Variants in TCF7L2 observed in about 807,000 individuals in gnomAD.
TCF7L2 encodes the protein transcription factor 7-like 2.
Under a neutral mutation model 77.9 loss-of-function variants are expected in TCF7L2, and 23 were observed. The observed-to-expected ratio is 0.30, with a 90% CI of 0.21 to 0.42. The LOEUF (loss-of-function observed/expected upper bound fraction) is 0.42, where lower values mean the gene tolerates loss of function less well. Among genes scored for constraint, TCF7L2 ranks in the 10% least tolerant of loss-of-function variants. The pLI, the probability that TCF7L2 is intolerant of heterozygous loss-of-function variation, is 1.00. For missense variants in TCF7L2, 654 were observed against 793.1 expected, an observed-to-expected ratio of 0.82 and a Z score of 2.11; for synonymous variants, 413 against 340.2, an observed-to-expected ratio of 1.21 and a Z score of -2.36.
At chr10:113,058,497 C>T (rs984650139) in intron 5 of TCF7L2, among the ~76,000 whole-genome samples, 5 of 152,024 alleles carry the variant, frequency 3.3e-5, no homozygotes, top group Admixed American at 6.6e-5. Context: ...GTCAGGTCCC[C>T]GAGGGCAACA....
At chr10:113,030,202 A>G (rs552716761) in intron 4 of TCF7L2, among the ~76,000 whole-genome samples, 1 of 152,354 alleles carries the variant, frequency 6.6e-6, no homozygotes, top group African/African-American at 2.4e-5. Context: ...CCTTGAAGTT[A>G]GCATATTTTC....
intron 5 of TCF7L2, chr10:113,089,477 A>C: frequency 6.2e-7 from 1 of 1,613,874 alleles, no homozygotes; most frequent in Non-Finnish European, 8.5e-7. Context: ...TCAGCACTCA[A>C]GTCTTCAGGG....
At chr10:113,024,867 G>T (rs544309450) in intron 4 of TCF7L2, among the ~76,000 whole-genome samples, 1 of 152,116 alleles carries the variant, frequency 6.6e-6, no homozygotes, top group Non-Finnish European at 1.5e-5. Flanking sequence ...TGATCCACCC[G>T]CTTTGGCCTC....
intron 5 of TCF7L2, among the ~76,000 whole-genome samples, chr10:113,073,139 A>T (rs139087340): frequency 7.3e-4 from 63 of 86,842 alleles, no homozygotes; most frequent in Non-Finnish European, 1.1e-3. Flanking sequence ...TGAGAGAGAG[A>T]GAGAGAGAGA....
At chr10:113,033,721 G>A (rs191387826) in intron 4 of TCF7L2, among the ~76,000 whole-genome samples, 3 of 152,198 alleles carry the variant, frequency 2.0e-5, no homozygotes, top group Non-Finnish European at 2.9e-5. Flanking sequence ...TAAAGCCTCC[G>A]TCTTAGGCTT....
intron 4 of TCF7L2, among the ~76,000 whole-genome samples, chr10:113,031,138 A>G (rs893427640): frequency 6.6e-6 from 1 of 152,234 alleles, no homozygotes; most frequent in East Asian, 1.9e-4. Context: ...AACTGTGTAT[A>G]ACTAAGTCAC....
At chr10:113,081,885 T>A (rs2059348180) in intron 5 of TCF7L2, among the ~76,000 whole-genome samples, 1 of 152,226 alleles carries the variant, frequency 6.6e-6, no homozygotes, top group Non-Finnish European at 1.5e-5. Flanking sequence ...GCGCCCAGGC[T>A]GGAGTGCAGT....
chr10:112,987,757 C>G (rs549821503), intron 4 of TCF7L2: 1 of 156,780 alleles, frequency 6.4e-6, no homozygotes, highest in African/African-American at 2.4e-5. Context: ...TCATCTGCTC[C>G]TGTCCCAGCA....
chr10:113,087,159 A>T (rs2059923293), intron 5 of TCF7L2, among the ~76,000 whole-genome samples: 1 of 152,214 alleles, frequency 6.6e-6, no homozygotes, highest in Non-Finnish European at 1.5e-5. Context: ...GGCATGGAAG[A>T]ATATCTAGAT....
intron 5 of TCF7L2, among the ~76,000 whole-genome samples, chr10:113,070,353 T>G (rs934320511): frequency 2.4e-4 from 37 of 151,376 alleles, no homozygotes; most frequent in Non-Finnish European, 5.0e-4. Context: ...TTGTCTGGTA[T>G]CTGCTGGGTG....
chr10:113,040,107 C>T lies in TCF7L2; in HGVS notation c.533C>T (p.Pro178Leu), dbSNP rs13458. Reference sequence around the variant, plus strand: ...CAAGCCCTCAAGGATGCCCGGTCCCCATCACCGGCACACATTGTCGTAAGT... The same window carrying T: ...CAAGCCCTCAAGGATGCCCGGTCCCTATCACCGGCACACATTGTCGTAAGT... The change falls in exon 5 of 14, where the codon CCA (proline) becomes CTA (leucine). Residue 178 changes from proline to leucine, a missense_variant. Transcript: ENST00000627217. The T allele has an allele frequency of 1.2e-6, 2 of 1,613,872 alleles. No individual in the cohort carries two copies. Among genetic ancestry groups the T allele is most frequent in the Non-Finnish European group, 1.7e-6 (2 of 1,179,844 alleles).
chr10:113,106,690 G>A (rs2062366504), intron 5 of TCF7L2, among the ~76,000 whole-genome samples: 1 of 152,206 alleles, frequency 6.6e-6, no homozygotes, highest in Admixed American at 6.5e-5. Flanking sequence ...AACTTTTCAA[G>A]CAGTGAATGT....
chr10:113,085,689 A>T (rs1207421636), intron 5 of TCF7L2, among the ~76,000 whole-genome samples: 1 of 152,186 alleles, frequency 6.6e-6, no homozygotes, highest in Admixed American at 6.5e-5. Flanking sequence ...GTTAGCACAC[A>T]TTGACATCAG....
chr10:112,951,475 CA>C lies in TCF7L2; in HGVS notation c.257-7del. On this transcript the variant is annotated splice_region_variant and splice_polypyrimidine_tract_variant and intron_variant, in intron 2 of 13. Coordinates refer to ENST00000627217, the MANE Select transcript of TCF7L2 (RefSeq NM_001146274.2). The stretch of plus-strand genomic sequence containing the variant: ...CGCCGCTGTCCCCTCGCCGCCCCGC[CA>C]TGTTAGCGGCCAAGAGGCAAGATGG... 1 of 1,425,176 alleles carries C rather than the reference CA, an allele frequency of 7.0e-7. No individual in the cohort carries two copies. 88.3% of individuals were successfully genotyped at this position (1,425,176 alleles called of 1,614,324 possible). A position where few individuals can be genotyped will look rare whatever the true frequency, so the allele number is the denominator to read the frequency against.
chr10:113,040,525 C>G (rs995782226), intron 5 of TCF7L2, among the ~76,000 whole-genome samples: 10 of 152,196 alleles, frequency 6.6e-5, no homozygotes, highest in Admixed American at 3.3e-4. Context: ...GGATTTGAAA[C>G]TTGCCTATTA....
rs780519218 is a variant in TCF7L2, at chr10:112,964,590, C to T, written c.416C>T (p.Ala139Val). 1.3e-5 allele frequency: 21 copies of T among 1,613,084 alleles called. No homozygotes were observed. The highest frequency in any genetic ancestry group is 4.5e-5 in the East Asian group (2 of 44,846). Reference sequence around the variant, plus strand: ...CAGTCCGGCAGCACACATTACTCTGCGTACAAAACGATTGAACACCAGATT... The same window carrying T: ...CAGTCCGGCAGCACACATTACTCTGTGTACAAAACGATTGAACACCAGATT... Residue 139 changes from alanine to valine, a missense_variant, in exon 4 of 14, where the codon GCG becomes GTG. Physicochemically the swap from Ala to Val is moderately conservative, Grantham distance 64 (BLOSUM62 0). Coordinates refer to ENST00000627217, the MANE Select transcript of TCF7L2 (RefSeq NM_001146274.2).
intron 5 of TCF7L2, among the ~76,000 whole-genome samples, chr10:113,087,348 C>T (rs2059938935): frequency 6.6e-6 from 1 of 152,250 alleles, no homozygotes; most frequent in Non-Finnish European, 1.5e-5. Flanking sequence ...TGCCTCTTTG[C>T]TCTCAGCATT....
intron 4 of TCF7L2, among the ~76,000 whole-genome samples, chr10:113,010,466 T>C (rs1246809985): frequency 6.6e-6 from 1 of 152,206 alleles, no homozygotes; most frequent in Non-Finnish European, 1.5e-5. Context: ...CTCTGAGTCC[T>C]ATGCGTTCTG....
chr10:113,008,707 G>A (rs1173377893), intron 4 of TCF7L2, among the ~76,000 whole-genome samples: 1 of 152,120 alleles, frequency 6.6e-6, no homozygotes, highest in East Asian at 1.9e-4. Context: ...AACGGCTAAA[G>A]TAACACTTTG....
Sources: gnomAD v4.1 joint callset for allele counts (sites outside exome capture counted in the v4.1 genomes callset) on GRCh38, gnomAD v4.1.1 for gene constraint, MANE v1.5 for transcripts, NCBI Gene and HGNC (gene_info 2026-07-23, HGNC 2026-07-21) for gene names.